CYP4A11: variants seen among roughly 807,000 people sequenced by gnomAD.
The protein encoded by CYP4A11 is cytochrome P450 family 4 subfamily A member 11.
CYP4A11 carries 52 observed loss-of-function variants against 57.7 expected under a neutral mutation model. That is an observed-to-expected ratio of 0.90 (90% CI 0.72 to 1.14). CYP4A11 has a LOEUF of 1.14. CYP4A11 is among the 50% of genes most tolerant of loss of function. The probability of loss-of-function intolerance (pLI) is 0.00; values close to 1 mark genes in which losing one functional copy is unlikely to be tolerated. For missense variants in CYP4A11, 641 were observed against 642.1 expected, an observed-to-expected ratio of 1.00 and a Z score of 0.02; for synonymous variants, 228 against 247.1, an observed-to-expected ratio of 0.92 and a Z score of 0.72.
chr1:46,933,830 T>C (rs1681185991), intron 9 of CYP4A11, 116 bp downstream of exon 9: 1 of 1,467,104 alleles, frequency 6.8e-7, no homozygotes, highest in African/African-American at 1.4e-5. Flanking sequence ...GTTTTTGATT[T>C]TTTTAGAACA....
In CYP4A11 at chr1:46,934,230, T is replaced by A. The variant is rs1188242633; in HGVS notation, c.1034A>T (p.Glu345Val). ...YALATHPKHQ[E>V]RCREEIHSLL... ...GCTGTGGATCTCCTCCCGGCACCTCTCCTGATGCTTGGGGTGTGTGGCCAG... is the reference window on the plus strand; with the variant it reads ...GCTGTGGATCTCCTCCCGGCACCTCACCTGATGCTTGGGGTGTGTGGCCAG... The change falls in exon 8 of 12, where the codon GAG (glutamate) becomes GTG (valine). Residue 345 changes from glutamate to valine, a missense_variant. Physicochemically the swap from Glu to Val is moderately radical, Grantham distance 121 (BLOSUM62 -2). Transcript: ENST00000310638. 2 of 1,613,602 alleles carry A rather than the reference T, an allele frequency of 1.2e-6. No homozygotes were observed. The highest frequency in any genetic ancestry group is 2.7e-5 in the African/African-American group (2 of 74,826).
chr1:46,932,479 A>G, intron 11 of CYP4A11: 1 of 1,300,536 alleles, frequency 7.7e-7, no homozygotes, highest in South Asian at 2.0e-5. Context: ...TAAAGTGAGG[A>G]AAATACATGA....
At position 46,934,190 on chromosome 1, in the gene CYP4A11, T is replaced by C. The variant is rs200959710; in HGVS notation, c.1074A>G (p.Gly358=). The change falls in exon 8 of 12, where the codon GGA becomes GGG. Residue 358 remains glycine (G), a synonymous_variant. Coordinates refer to ENST00000310638, the MANE Select transcript of CYP4A11 (RefSeq NM_000778.4). ...REEIHSLLGD[G]ASITWNHLDQ... ...CCCTCACTCACCAGGTGATGGAGGC[T>C]CCATCACCCAGGAGGCTGTGGATCT... 6.2e-7 allele frequency: 1 copy of C among 1,613,862 alleles called. No individual in the cohort carries two copies. Among genetic ancestry groups the C allele is most frequent in the Admixed American group, 1.7e-5 (1 of 60,000 alleles).
intron 8 of CYP4A11, 30 bp downstream of exon 8, chr1:46,934,145 AG>A (rs1681219950): frequency 6.2e-7 from 1 of 1,610,952 alleles, no homozygotes; most frequent in African/African-American, 1.3e-5. Flanking sequence ...TGGAGAAGGC[AG>A]GGAACCCCAT....
At chr1:46,937,192 G>A (rs1681461823) in intron 3 of CYP4A11, 110 bp downstream of exon 3, 2 of 1,299,782 alleles carry the variant, frequency 1.5e-6, no homozygotes, top group African/African-American at 1.5e-5. Flanking sequence ...GGCTTGATTT[G>A]GGGATAAGGT....
At chr1:46,931,744 C>A (rs1248274783) in intron 11 of CYP4A11, 1 of 658,014 alleles carries the variant, frequency 1.5e-6, no homozygotes, top group African/African-American at 2.0e-5. Context: ...AAAGCCTGTT[C>A]TGTGTAAGTG....
chr1:46,931,058 T>A (rs956972083), intron 11 of CYP4A11, among the ~76,000 whole-genome samples: 2 of 152,208 alleles, frequency 1.3e-5, no homozygotes, highest in African/African-American at 2.4e-5. Context: ...ACGCTCTTCA[T>A]CACAGGTGGG....
In CYP4A11 at chr1:46,932,987, G is replaced by T; in HGVS notation, c.1283C>A (p.Pro428Gln). 1 of 1,614,192 alleles carries T rather than the reference G, an allele frequency of 6.2e-7. No individual in the cohort carries two copies. Among genetic ancestry groups the T allele is most frequent in the Non-Finnish European group, 8.5e-7 (1 of 1,180,038 alleles). Residue 428 changes from proline to glutamine, a missense_variant, in exon 10 of 12, where the codon CCA (proline) becomes CAA (glutamine). Pro to Gln is a moderately conservative substitution (Grantham distance 76). Transcript: ENST00000310638. ...LHHNPKVWPN[P>Q]EVFDPFRFAP... ...CTCCTCTCAAGGACCACATACCTCT[G>T]GGTTGGGCCACACTTTTGGGTTGTG...
chr1:46,935,285 C>T, intron 5 of CYP4A11, 131 bp from the exon 6 acceptor site: 1 of 1,231,504 alleles, frequency 8.1e-7, no homozygotes, highest in Non-Finnish European at 1.1e-6. Context: ...TTCTATCTTA[C>T]AGCCCTATTA....
intron 11 of CYP4A11, chr1:46,931,990 C>T (rs1681056389): frequency 2.0e-6 from 2 of 985,180 alleles, no homozygotes; most frequent in Non-Finnish European, 1.2e-6. Flanking sequence ...AATTATTGGG[C>T]TTTTCTCTCC....
rs150700578 is a variant in CYP4A11 at position 46,939,375 on chromosome 1, G to T, written c.196-1238C>A. ...TTATCTGTGTGGAATTTTCAGTCTA[G>T]TTGGGGGGTAAGAAAGATTAGAGGC... On this transcript the variant is annotated intron_variant, in intron 1 of 11. Coordinates refer to ENST00000310638, the MANE Select transcript of CYP4A11 (RefSeq NM_000778.4). Among the ~76,000 whole-genome samples, 644 of 152,246 alleles carry T rather than the reference G, an allele frequency of 4.2e-3. 36 individuals carry two copies. In the East Asian group the frequency reaches 0.1, roughly 25 times the overall value.
chr1:46,935,270 G>A (rs1039170443), intron 5 of CYP4A11, 116 bp from the exon 6 acceptor site: 3 of 1,309,932 alleles, frequency 2.3e-6, no homozygotes, highest in Middle Eastern at 2.0e-4. Context: ...TTGAGGCAAT[G>A]TTTCTTCTAT....
chr1:46,932,648 T>G, intron 11 of CYP4A11, 113 bp downstream of exon 11: 1 of 1,596,460 alleles, frequency 6.3e-7, no homozygotes, highest in South Asian at 1.1e-5. Flanking sequence ...AATACCAACA[T>G]TTAAGAGCAC....
chr1:46,940,826 T>G, intron 1 of CYP4A11: 2 of 985,390 alleles, frequency 2.0e-6, no homozygotes, highest in South Asian at 4.7e-5. Context: ...CATGGATTCC[T>G]CAGATGGGTG....
At position 46,934,251 on chromosome 1, in the gene CYP4A11, G is replaced by A; in HGVS notation, c.1013C>T (p.Ala338Val). 6.2e-7 allele frequency: 1 copy of A among 1,613,534 alleles called. No individual in the cohort carries two copies. Among genetic ancestry groups the A allele is most frequent in the Non-Finnish European group, 8.5e-7 (1 of 1,179,804 alleles). The change falls in exon 8 of 12, where the codon GCC becomes GTC. Residue 338 changes from alanine to valine, a missense_variant. Coordinates refer to ENST00000310638, the MANE Select transcript of CYP4A11 (RefSeq NM_000778.4). ...SGISWILYAL[A>V]THPKHQERCR... The stretch of plus-strand genomic sequence containing the variant: ...CCTCTCCTGATGCTTGGGGTGTGTG[G>A]CCAGAGCATAGAGGATCCAGGAGAT...
chr1:46,930,499 A>G (rs1680956187), intron 11 of CYP4A11, among the ~76,000 whole-genome samples, 189 bp from the exon 12 acceptor site: 1 of 152,128 alleles, frequency 6.6e-6, no homozygotes, highest in South Asian at 2.1e-4. Flanking sequence ...CAATCCTTGG[A>G]CAGAGCCGTC....
Position 46,932,188 on chromosome 1 carries a change from C to T in CYP4A11, c.1364+573G>A, listed in dbSNP as rs1449159816. ...CAAGACAGAAGAATGTATGATATGA[C>T]ACACACTGTTGTAAAACTTTCTTCA... is the stretch of plus-strand genomic sequence containing the variant. On this transcript the variant is annotated intron_variant, in intron 11 of 11. Transcript: ENST00000310638. 6.0e-6 allele frequency: 6 copies of T among 991,832 alleles called. No homozygotes were observed. In the South Asian group the frequency reaches 1.4e-4, roughly 22 times the overall value. 61.4% of individuals were successfully genotyped at this position (991,832 alleles called of 1,614,324 possible). A position where few individuals can be genotyped will look rare whatever the true frequency, so the allele number is the denominator to read the frequency against.
At position 46,938,648 on chromosome 1, in the gene CYP4A11, G is replaced by A. The variant is rs981407416; in HGVS notation, c.196-511C>T. 2.0e-4 allele frequency among the ~76,000 whole-genome samples: 31 copies of A among 152,190 alleles called. 1 individual carries two copies. The highest frequency in any genetic ancestry group is 2.9e-5 in the Non-Finnish European group (2 of 68,042). On this transcript the variant is annotated intron_variant, in intron 1 of 11. Coordinates refer to ENST00000310638, the MANE Select transcript of CYP4A11 (RefSeq NM_000778.4). The stretch of plus-strand genomic sequence containing the variant: ...AAAAAAAGATTAACTATAAAATTGT[G>A]TGCATAATAGTATTCTACATGTTGA...
intron 4 of CYP4A11, 41 bp from the exon 5 acceptor site, chr1:46,935,688 A>T (rs746554456): frequency 6.3e-7 from 1 of 1,589,108 alleles, no homozygotes; most frequent in East Asian, 2.2e-5. Flanking sequence ...ATCTCCAAGA[A>T]GTGCTTTGCT....
Sources: gnomAD v4.1 joint callset for allele counts (sites outside exome capture counted in the v4.1 genomes callset) on GRCh38, gnomAD v4.1.1 for gene constraint, MANE v1.5 for transcripts, NCBI Gene and HGNC (gene_info 2026-07-23, HGNC 2026-07-21) for gene names.